The following FARP1 variants were observed in gnomAD, a reference collection of about 807,000 sequenced individuals.
The protein encoded by FARP1 is FERM, ARHGEF and pleckstrin domain-containing protein 1.
FARP1 carries 52 observed loss-of-function variants against 128.8 expected under a neutral mutation model. The ratio of observed to expected loss-of-function variants is 0.40; its 90% CI spans 0.32 to 0.51. The LOEUF (loss-of-function observed/expected upper bound fraction) is 0.51. Among genes scored for constraint, FARP1 ranks in the 20% least tolerant of loss-of-function variants. The pLI, the probability that FARP1 is intolerant of heterozygous loss-of-function variation, is 0.45. For missense variants in FARP1, 1,333 were observed against 1,367.9 expected (o/e 0.97, Z 0.40); for synonymous variants, 580 against 551.8 (o/e 1.05, Z -0.72).
intron 2 of FARP1, among the ~76,000 whole-genome samples, chr13:98,287,663 G>A (rs772133300): frequency 2.2e-4 from 33 of 151,912 alleles, no homozygotes; most frequent in Non-Finnish European, 4.0e-4. Flanking sequence ...AATTTCCTAA[G>A]CTACAGTTGA....
chr13:98,343,688 C>T (rs1888063150), intron 2 of FARP1, 74 bp from the exon 3 acceptor site: 2 of 1,046,908 alleles, frequency 1.9e-6, no homozygotes, highest in Admixed American at 1.7e-5. Context: ...CCAGAGGTTT[C>T]CTGCAGCGAG....
intron 2 of FARP1, among the ~76,000 whole-genome samples, chr13:98,304,748 G>T (rs1886067372): frequency 6.6e-6 from 1 of 152,234 alleles, no homozygotes; most frequent in African/African-American, 2.4e-5. Flanking sequence ...ATTTCTCACA[G>T]CTCATGCCTC....
intron 2 of FARP1, among the ~76,000 whole-genome samples, chr13:98,342,692 C>T (rs920837657): frequency 6.6e-6 from 1 of 150,574 alleles, no homozygotes; most frequent in Middle Eastern, 3.5e-3. Context: ...AAAAGCAAGA[C>T]TCTGTTTCAA....
intron 1 of FARP1, among the ~76,000 whole-genome samples, chr13:98,179,120 GA>G (rs1431819696): frequency 1.3e-5 from 2 of 152,278 alleles, no homozygotes; most frequent in East Asian, 3.9e-4. Context: ...ATTTACAAAA[GA>G]AAAAGGCTTA....
chr13:98,210,723 G>A (rs1880650204), intron 1 of FARP1, among the ~76,000 whole-genome samples: 2 of 151,964 alleles, frequency 1.3e-5, no homozygotes, highest in Non-Finnish European at 2.9e-5. Context: ...CTAATTTTCT[G>A]TATTTTTAGT....
intron 2 of FARP1, among the ~76,000 whole-genome samples, chr13:98,222,549 G>T (rs1047075495): frequency 5.9e-5 from 9 of 152,060 alleles, no homozygotes; most frequent in African/African-American, 2.2e-4. Flanking sequence ...ATGGTCTGGG[G>T]CCATAAAGAG....
chr13:98,331,184 T>C (rs182912960), intron 2 of FARP1, among the ~76,000 whole-genome samples: 1 of 152,348 alleles, frequency 6.6e-6, no homozygotes, highest in African/African-American at 2.4e-5. Context: ...TAGTAATTCA[T>C]AATCTTTTAG....
chr13:98,301,925 A>G (rs1885943560), intron 2 of FARP1, among the ~76,000 whole-genome samples: 1 of 152,086 alleles, frequency 6.6e-6, no homozygotes, highest in South Asian at 2.1e-4. Flanking sequence ...TTCTCAAACA[A>G]AACAGATCAT....
At chr13:98,154,038 C>T (rs945907924) in intron 1 of FARP1, among the ~76,000 whole-genome samples, 6 of 152,300 alleles carry the variant, frequency 3.9e-5, no homozygotes, top group Non-Finnish European at 8.8e-5. Context: ...TAAATGGAAT[C>T]TTAGCATTTG....
intron 2 of FARP1, among the ~76,000 whole-genome samples, chr13:98,267,601 C>A (rs570022821): frequency 2.0e-5 from 3 of 152,204 alleles, no homozygotes; most frequent in African/African-American, 7.2e-5. Context: ...GTTCCAGCCC[C>A]GTAGGTCCAC....
intron 18 of FARP1, chr13:98,433,433 A>C (rs767662967): frequency 2.0e-5 from 3 of 152,218 alleles, no homozygotes; most frequent in Non-Finnish European, 2.9e-5. Flanking sequence ...TCTGTCTTTA[A>C]AACAAACCAT....
chr13:98,409,633 GC>G, intron 14 of FARP1, 108 bp downstream of exon 14: 1 of 1,028,216 alleles, frequency 9.7e-7, no homozygotes, highest in Non-Finnish European at 1.3e-6. Flanking sequence ...TACCATGTGA[GC>G]CATTTTCAAG....
intron 3 of FARP1, among the ~76,000 whole-genome samples, chr13:98,348,192 G>A (rs1185719314): frequency 6.6e-6 from 1 of 152,234 alleles, no homozygotes; most frequent in Non-Finnish European, 1.5e-5. Context: ...TAAAAGAGTT[G>A]ATTGCAGTGT....
chr13:98,353,852 G>C (rs894486731), intron 3 of FARP1, among the ~76,000 whole-genome samples: 1 of 151,074 alleles, frequency 6.6e-6, no homozygotes, highest in African/African-American at 2.4e-5. Context: ...TAGATCTCAT[G>C]TTAACTCTTC....
intron 1 of FARP1, among the ~76,000 whole-genome samples, chr13:98,173,008 GAA>G (rs1877759695): frequency 6.6e-6 from 1 of 152,190 alleles, no homozygotes; most frequent in East Asian, 1.9e-4. Context: ...GATAAGTGGG[GAA>G]ATACGCATTC....
At chr13:98,428,603 C>T (rs992672618) in intron 17 of FARP1, among the ~76,000 whole-genome samples, 20 of 152,228 alleles carry the variant, frequency 1.3e-4, no homozygotes, top group African/African-American at 4.1e-4. Flanking sequence ...AAACTCTAAA[C>T]CTAGTGAAGA....
chr13:98,260,009 TCTTTC>T (rs921239800), intron 2 of FARP1, among the ~76,000 whole-genome samples: 18 of 151,984 alleles, frequency 1.2e-4, no homozygotes, highest in African/African-American at 4.4e-4. Flanking sequence ...TCTTCAAAGT[TCTTTC>T]CTTATTTAAC....
At chr13:98,162,440 C>G (rs1190486715) in intron 1 of FARP1, among the ~76,000 whole-genome samples, 2 of 152,282 alleles carry the variant, frequency 1.3e-5, no homozygotes, top group Non-Finnish European at 2.9e-5. Context: ...GCCGCTATTC[C>G]TAGCTCGGGG....
intron 2 of FARP1, among the ~76,000 whole-genome samples, chr13:98,304,391 G>C (rs1443384859): frequency 6.6e-6 from 1 of 152,164 alleles, no homozygotes; most frequent in Non-Finnish European, 1.5e-5. Context: ...GATTATCAAG[G>C]GCTTTTGAAG....
Sources: allele counts gnomAD v4.1 joint callset (sites outside exome capture counted in the v4.1 genomes callset), GRCh38; gene constraint gnomAD v4.1.1; transcripts MANE v1.5; gene names NCBI Gene and HGNC (gene_info 2026-07-23, HGNC 2026-07-21).